SPMIP4: variants seen among roughly 807,000 people sequenced by gnomAD.
SPMIP4 encodes the protein sperm microtubule inner protein 4, also known as sperm-associated microtubule inner protein 4.
At chr7:25,165,637 C>T in the SPMIP4 span, among the ~76,000 whole-genome samples, 1 of 152,146 alleles carries the variant, frequency 6.6e-6, no homozygotes, top group Non-Finnish European at 1.5e-5. Flanking sequence ...CGTGAGCCGC[C>T]GCGCCTGGCC....
At chr7:25,177,748 A>G in the SPMIP4 span, among the ~76,000 whole-genome samples, 1 of 152,224 alleles carries the variant, frequency 6.6e-6, no homozygotes, top group African/African-American at 2.4e-5. Context: ...AGCATTTGGT[A>G]GAGTGCTGAC....
At chr7:25,158,250 C>A in the SPMIP4 span, among the ~76,000 whole-genome samples, 1 of 151,600 alleles carries the variant, frequency 6.6e-6, no homozygotes, top group Admixed American at 6.6e-5. Context: ...CACCTGTAGT[C>A]CCAGCTACTT....
chr7:25,164,686 A>G, the SPMIP4 span, among the ~76,000 whole-genome samples: 1 of 152,168 alleles, frequency 6.6e-6, no homozygotes, highest in African/African-American at 2.4e-5. Flanking sequence ...AAATGAATAA[A>G]TTCTTTACTG....
the SPMIP4 span, chr7:25,161,170 G>A: frequency 6.9e-7 from 1 of 1,457,770 alleles, no homozygotes; most frequent in East Asian, 2.4e-5. Flanking sequence ...TTTATATAAG[G>A]AAAAAAACCC....
At chr7:25,131,395 C>T in the SPMIP4 span, among the ~76,000 whole-genome samples, 1 of 152,186 alleles carries the variant, frequency 6.6e-6, no homozygotes, top group African/African-American at 2.4e-5. This position sits in a 1 kb window ranked among gnomAD's most constrained non-coding sequence, Gnocchi z 4.2. Flanking sequence ...ATCATCCTCC[C>T]CCATGCCCCG....
the SPMIP4 span, among the ~76,000 whole-genome samples, chr7:25,128,985 C>T: frequency 1.3e-5 from 2 of 152,180 alleles, no homozygotes; most frequent in African/African-American, 2.4e-5. This position sits in a 1 kb window ranked among gnomAD's most constrained non-coding sequence, Gnocchi z 4.5. Flanking sequence ...ACAGTTCTAC[C>T]GTGGCTGAGC....
chr7:25,162,270 CAAA>C, the SPMIP4 span, among the ~76,000 whole-genome samples: 1 of 89,876 alleles, frequency 1.1e-5, no homozygotes. Flanking sequence ...AACTCTGTCT[CAAA>C]AAAAAAAAAA....
the SPMIP4 span, among the ~76,000 whole-genome samples, chr7:25,162,828 A>G: frequency 4.6e-5 from 7 of 152,050 alleles, 1 homozygote; most frequent in Non-Finnish European, 8.8e-5. Flanking sequence ...CTGGAGTGCA[A>G]TGGCGTGATC....
chr7:25,140,912 CTG>C, the SPMIP4 span, among the ~76,000 whole-genome samples: 1 of 152,262 alleles, frequency 6.6e-6, no homozygotes, highest in South Asian at 2.1e-4. Flanking sequence ...AGTGTTCAAA[CTG>C]AAATAATCTT....
At chr7:25,156,287 C>T in the SPMIP4 span, among the ~76,000 whole-genome samples, 1 of 152,124 alleles carries the variant, frequency 6.6e-6, no homozygotes, top group South Asian at 2.1e-4. Context: ...TCACAGTCCT[C>T]AGAAGGAACC....
the SPMIP4 span, among the ~76,000 whole-genome samples, chr7:25,169,980 A>C: frequency 6.6e-6 from 1 of 152,100 alleles, no homozygotes; most frequent in African/African-American, 2.4e-5. Context: ...TTCACCTTTT[A>C]ACTCTCGTGA....
chr7:25,128,248 G>A, the SPMIP4 span, among the ~76,000 whole-genome samples: 4 of 152,182 alleles, frequency 2.6e-5, no homozygotes, highest in Non-Finnish European at 5.9e-5. This position sits in a 1 kb window ranked among gnomAD's most constrained non-coding sequence, Gnocchi z 4.5. Context: ...TTCAGAAGCT[G>A]GTGAATTCAG....
the SPMIP4 span, chr7:25,142,620 G>C: frequency 1.9e-6 from 3 of 1,583,430 alleles, no homozygotes. Flanking sequence ...ATTTTTACTT[G>C]TATGAAAGTG....
At chr7:25,172,403 G>A in the SPMIP4 span, among the ~76,000 whole-genome samples, 1 of 152,214 alleles carries the variant, frequency 6.6e-6, no homozygotes, top group Non-Finnish European at 1.5e-5. This position sits in a 1 kb window ranked among gnomAD's most constrained non-coding sequence, Gnocchi z 4.2. Context: ...AACCCAGGGA[G>A]AAACCCTTGG....
chr7:25,165,667 C>G, the SPMIP4 span, among the ~76,000 whole-genome samples: 1 of 152,186 alleles, frequency 6.6e-6, no homozygotes, highest in African/African-American at 2.4e-5. Flanking sequence ...TACATTGAAG[C>G]AACGGTCCTC....
At chr7:25,134,830 T>C in the SPMIP4 span, 3 of 985,432 alleles carry the variant, frequency 3.0e-6, no homozygotes, top group Non-Finnish European at 3.6e-6. Context: ...TTAAAGGCTA[T>C]AGAGAACCCA....
At chr7:25,159,852 G>C in the SPMIP4 span, among the ~76,000 whole-genome samples, 4 of 152,130 alleles carry the variant, frequency 2.6e-5, no homozygotes, top group African/African-American at 9.7e-5. Context: ...AAGGAATCTA[G>C]AGTTGTTATT....
the SPMIP4 span, among the ~76,000 whole-genome samples, chr7:25,142,058 T>C: frequency 4.6e-5 from 7 of 152,198 alleles, no homozygotes; most frequent in Non-Finnish European, 8.8e-5. Flanking sequence ...TCTTGCTTGT[T>C]TTCCCAAACA....
At chr7:25,140,733 G>A in the SPMIP4 span, among the ~76,000 whole-genome samples, 8 of 147,688 alleles carry the variant, frequency 5.4e-5, no homozygotes, top group Admixed American at 4.1e-4. Context: ...GATTACAGGC[G>A]CCCACCACCA....
Sources: gnomAD v4.1 joint callset for allele counts (sites outside exome capture counted in the v4.1 genomes callset) on GRCh38, gnomAD v4.1.1 for gene constraint, Gnocchi (gnomAD v3.1) non-coding constraint, MANE v1.5 for transcripts, NCBI Gene and HGNC (gene_info 2026-07-23, HGNC 2026-07-21) for gene names.